The following EP400 variants were observed in gnomAD, a reference collection of about 807,000 sequenced individuals.
EP400 encodes E1A-binding protein p400.
Under a neutral mutation model 354.1 loss-of-function variants are expected in EP400, and 105 were observed. That is an observed-to-expected ratio of 0.30 (90% confidence interval 0.25 to 0.35). The LOEUF is 0.35. Ranked by LOEUF, EP400 falls within the 10% of genes least tolerant of loss-of-function variation. The pLI is 1.00. For synonymous variants in EP400, 1,646 were observed against 1,716.9 expected, an observed-to-expected ratio of 0.96 and a Z score of 1.02; for missense variants, 3,280 against 4,121.0, an observed-to-expected ratio of 0.80 and a Z score of 5.59.
intron 32 of EP400, among the ~76,000 whole-genome samples, chr12:132,041,397 G>C (rs1894901610): frequency 6.6e-6 from 1 of 152,230 alleles, no homozygotes; most frequent in Non-Finnish European, 1.5e-5. Context: ...CTCCTCAGAA[G>C]GCCTGTCCCC....
chr12:131,981,434 A>T (rs1215138160), intron 3 of EP400, 55 bp from the exon 4 acceptor site: 2 of 1,389,122 alleles, frequency 1.4e-6, no homozygotes, highest in Admixed American at 2.2e-5. Flanking sequence ...TTTTTCTACT[A>T]CTTCTCTGGT....
At position 132,067,189 on chromosome 12, in the gene EP400, T is replaced by G; in HGVS notation, c.8750-173T>G. 8.5e-7 allele frequency: 1 copy of G among 1,174,488 alleles called. No homozygotes were observed. The highest frequency in any genetic ancestry group is 1.2e-6 in the Non-Finnish European group (1 of 839,592). 72.8% of individuals were successfully genotyped at this position (1,174,488 alleles called of 1,614,324 possible). On this transcript the variant is annotated intron_variant, in intron 49 of 52. Coordinates refer to ENST00000389561, the MANE Select transcript of EP400 (RefSeq NM_015409.5). The surrounding 1 kb of genome is among the most constrained non-coding windows in gnomAD (Gnocchi z 5.3). The stretch of plus-strand genomic sequence containing the variant: ...TCTGAAATTTCCGTCTTAATTTAAG[T>G]GTAATTTGTGAACCCAGAAACATTT...
chr12:132,011,428 C>A, intron 15 of EP400, 70 bp from the exon 16 acceptor site: 1 of 1,573,434 alleles, frequency 6.4e-7, no homozygotes, highest in South Asian at 1.2e-5. Flanking sequence ...CGTCTCTGGT[C>A]AGACACAGTG....
At chr12:131,960,287 A>G (rs1891835267) in intron 1 of EP400, among the ~76,000 whole-genome samples, 1 of 152,072 alleles carries the variant, frequency 6.6e-6, no homozygotes, top group South Asian at 2.1e-4. Context: ...GATTTGAGGG[A>G]TGGCCTGGTC....
rs914839355 is a variant in EP400 at position 132,017,163 on chromosome 12, G to A, written c.3924-372G>A. Among the ~76,000 whole-genome samples, 8 of 149,818 alleles carry A rather than the reference G, an allele frequency of 5.3e-5. No homozygotes were observed. Among genetic ancestry groups the A allele is most frequent in the South Asian group, 2.1e-4 (1 of 4,830 alleles). ...CTGCAGGGCCAGTGTAGGACCAGGC[G>A]TCAGAGCTGCCGAGCGGGTGTGTGA... is the stretch of plus-strand genomic sequence containing the variant. On this transcript the variant is annotated intron_variant, in intron 19 of 52. Transcript: ENST00000389561. The surrounding 1 kb of genome is among the most constrained non-coding windows in gnomAD (Gnocchi z 5.0).
At chr12:132,077,211 C>G (rs1896264221) in intron 52 of EP400, among the ~76,000 whole-genome samples, 190 bp from the exon 53 acceptor site, 1 of 152,212 alleles carries the variant, frequency 6.6e-6, no homozygotes, top group Admixed American at 6.5e-5. Flanking sequence ...AAGCAACCAT[C>G]TTTTAATTTT....
At chr12:132,005,486 G>T (rs1490395631) in intron 13 of EP400, among the ~76,000 whole-genome samples, 1 of 152,160 alleles carries the variant, frequency 6.6e-6, no homozygotes, top group Non-Finnish European at 1.5e-5. Context: ...TGCTGTGTTT[G>T]TTCAACACAC....
At position 131,976,578 on chromosome 12, in the gene EP400, G is replaced by T. The variant is rs569340340; in HGVS notation, c.1336-3116G>T. ...AATACAAAAATTAGCCGGGCATGGT[G>T]GCGCACCTGTAGTCCCAGCTTCTCA... On this transcript the variant is annotated intron_variant, in intron 2 of 52. Coordinates refer to ENST00000389561, the MANE Select transcript of EP400 (RefSeq NM_015409.5). Among the ~76,000 whole-genome samples, 20 of 152,118 alleles carry T rather than the reference G, an allele frequency of 1.3e-4. No individual in the cohort carries two copies. In the East Asian group the frequency reaches 3.7e-3, roughly 28 times the overall value.
chr12:132,018,837 G>A lies in EP400; in HGVS notation c.4277+461G>A, dbSNP rs1056594828. Among the ~76,000 whole-genome samples, 1 of 152,168 alleles carries A rather than the reference G, an allele frequency of 6.6e-6. No homozygotes were observed. The highest frequency in any genetic ancestry group is 1.5e-5 in the Non-Finnish European group (1 of 68,038). ...GACAGACACGTTAGATGATTAAAAC[G>A]AGATATAAATGACTCATAGTCTAAA... On this transcript the variant is annotated intron_variant, in intron 21 of 52. Coordinates refer to ENST00000389561, the MANE Select transcript of EP400 (RefSeq NM_015409.5). This position sits in a 1 kb window ranked among gnomAD's most constrained non-coding sequence, Gnocchi z 4.0.
At position 132,062,641 on chromosome 12, in the gene EP400, A is replaced by G. The variant is rs778724527; in HGVS notation, c.8274A>G (p.Pro2758=). Residue 2758 remains proline (P), a synonymous_variant, in exon 47 of 53, where the codon CCA becomes CCG. Coordinates refer to ENST00000389561, the MANE Select transcript of EP400 (RefSeq NM_015409.5). ...QTTTTSQVQV[P]QIQGQAQSPA... ...CGACGACCTCTCAGGTGCAAGTTCC[A>G]CAGATCCAGGGCCAGGCCCAGTCCC... 16 of 1,613,646 alleles carry G rather than the reference A, an allele frequency of 9.9e-6. No homozygotes were observed. Among genetic ancestry groups the G allele is most frequent in the Non-Finnish European group, 9.3e-6 (11 of 1,179,750 alleles).
chr12:131,975,366 G>T (rs1892436309), intron 2 of EP400, among the ~76,000 whole-genome samples: 1 of 152,136 alleles, frequency 6.6e-6, no homozygotes, highest in Admixed American at 6.5e-5. Context: ...AGAGGCTTTG[G>T]AACACTGTGT....
chr12:131,998,264 G>A (rs1418350491), intron 12 of EP400, among the ~76,000 whole-genome samples: 1 of 151,974 alleles, frequency 6.6e-6, no homozygotes, highest in African/African-American at 2.4e-5. Context: ...GTCTATTTGG[G>A]GACTATTTCA....
chr12:131,968,294 C>G (rs1165063961), intron 2 of EP400, among the ~76,000 whole-genome samples: 1 of 152,132 alleles, frequency 6.6e-6, no homozygotes, highest in Non-Finnish European at 1.5e-5. Context: ...AAGAAATTTG[C>G]ATGTGAATGT....
At chr12:131,985,015 G>GT (rs879649760) in intron 5 of EP400, among the ~76,000 whole-genome samples, 2,445 of 144,346 alleles carry the variant, frequency 0.017, 57 homozygotes, top group African/African-American at 0.055. Context: ...TTAGGCAACT[G>GT]TTTTTTTTTT....
At chr12:131,992,318 T>G in intron 11 of EP400, 88 bp downstream of exon 11, 1 of 1,237,190 alleles carries the variant, frequency 8.1e-7, no homozygotes, top group South Asian at 1.4e-5. Flanking sequence ...TTTAGTCTTG[T>G]CATCTTCAGC....
Position 132,075,499 on chromosome 12 carries a change from C to T in EP400, c.9022-1017C>T, listed in dbSNP as rs1462062810. Among the ~76,000 whole-genome samples the T allele has an allele frequency of 2.0e-5, 3 of 152,134 alleles. No individual in the cohort carries two copies. The highest frequency in any genetic ancestry group is 7.2e-5 in the African/African-American group (3 of 41,428). Reference sequence around the variant, plus strand: ...AGTGCTGTGCCAAGTAAGTCCTGGACCATTGTGGTCTTGAGATGGGCCCTG... The same window carrying T: ...AGTGCTGTGCCAAGTAAGTCCTGGATCATTGTGGTCTTGAGATGGGCCCTG... On this transcript the variant is annotated intron_variant, in intron 51 of 52. Coordinates refer to ENST00000389561, the MANE Select transcript of EP400 (RefSeq NM_015409.5). This position sits in a 1 kb window ranked among gnomAD's most constrained non-coding sequence, Gnocchi z 4.5.
rs757358301 is a variant in EP400 at position 132,062,307 on chromosome 12, G to A, written c.8082G>A (p.Val2694=). 5.0e-6 allele frequency: 8 copies of A among 1,614,160 alleles called. No individual in the cohort carries two copies. In the South Asian group the frequency reaches 5.5e-5, roughly 11 times the overall value. ...TGCAGACCCCGGCACGGTCTTTGGT[G>A]CCCCAAGTGTCCCAAGGTAAAGCCA... ...TPVQTPARSL[V]PQVSQATGVQ... The change falls in exon 46 of 53, where the codon GTG becomes GTA. Residue 2694 remains valine, a synonymous_variant. Coordinates refer to ENST00000389561, the MANE Select transcript of EP400 (RefSeq NM_015409.5).
rs1022996936 is a variant in EP400, at chr12:132,029,435, C to G, written c.5382-266C>G. 1.9e-6 allele frequency: 1 copy of G among 532,846 alleles called. No homozygotes were observed. The highest frequency in any genetic ancestry group is 1.9e-5 in the African/African-American group (1 of 52,878). 33.0% of individuals were successfully genotyped at this position (532,846 alleles called of 1,614,324 possible). Reference sequence around the variant, plus strand: ...TTATCTCTGACCTGGTGCCTGCGGCCTAGGGAATCCACCCCCATTGATCCA... The same window carrying G: ...TTATCTCTGACCTGGTGCCTGCGGCGTAGGGAATCCACCCCCATTGATCCA... On this transcript the variant is annotated intron_variant, in intron 27 of 52. Coordinates refer to ENST00000389561, the MANE Select transcript of EP400 (RefSeq NM_015409.5). This position sits in a 1 kb window ranked among gnomAD's most constrained non-coding sequence, Gnocchi z 4.7.
rs1224276534 is a variant in EP400, at chr12:131,990,685, C to T, written c.2600C>T (p.Ala867Val). 1 of 1,612,592 alleles carries T rather than the reference C, an allele frequency of 6.2e-7. No individual in the cohort carries two copies. ...RVELEEKRKK[A>V]LNLQKVSRRG... is the part of the protein sequence containing the mutation. ...GAATTAGAAGAAAAAAGGAAGAAGG[C>T]CTTAAATTTACAGAAAGTTTCCAGG... Residue 867 changes from alanine to valine, a missense_variant, in exon 9 of 53, where the codon GCC becomes GTC. Physicochemically the swap from Ala to Val is moderately conservative, Grantham distance 64 (BLOSUM62 0). Transcript: ENST00000389561. This position sits in a 1 kb window ranked among gnomAD's most constrained non-coding sequence, Gnocchi z 4.2.
Sources: gnomAD v4.1 joint callset for allele counts (sites outside exome capture counted in the v4.1 genomes callset) on GRCh38, gnomAD v4.1.1 for gene constraint, Gnocchi (gnomAD v3.1) non-coding constraint, MANE v1.5 for transcripts, NCBI Gene and HGNC (gene_info 2026-07-23, HGNC 2026-07-21) for gene names.